Variants in CYP2C19 observed in about 807,000 individuals in gnomAD.
CYP2C19 encodes cytochrome P450 2C19.
CYP2C19 carries 59 observed loss-of-function variants against 40.9 expected under a neutral mutation model. The ratio of observed to expected loss-of-function variants is 1.44; its 90% CI spans 1.17 to 1.79. The LOEUF (loss-of-function observed/expected upper bound fraction) is 1.79, where lower values mean the gene tolerates loss of function less well. CYP2C19 is among the 40% of genes most tolerant of loss of function. The pLI, the probability that CYP2C19 is intolerant of heterozygous loss-of-function variation, is 0.00. For synonymous variants in CYP2C19, 253 were observed against 208.7 expected, an observed-to-expected ratio of 1.21 and a Z score of -1.83; for missense variants, 754 against 596.9, an observed-to-expected ratio of 1.26 and a Z score of -2.74.
chr10:94,842,839 A>G lies in CYP2C19; in HGVS notation c.964A>G (p.Lys322Glu). The change falls in exon 7 of 9, where the codon AAA becomes GAA. Residue 322 changes from lysine (K) to glutamate (E), a missense_variant and splice_region_variant. By Grantham distance (56) the Lys-to-Glu change is moderately conservative. Coordinates refer to ENST00000371321, the MANE Select transcript of CYP2C19 (RefSeq NM_000769.4). ...LLLKHPEVTAKVQEEIERVIG... is the reference protein window; with the variant it reads ...LLLKHPEVTAEVQEEIERVIG... The stretch of plus-strand genomic sequence containing the variant: ...AGTTCTTACTTGTGTCTTGTCAGCT[A>G]AAGTCCAGGAAGAGATTGAACGTGT... The G allele has an allele frequency of 6.2e-7, 1 of 1,614,082 alleles. No homozygotes were observed. The highest frequency in any genetic ancestry group is 8.5e-7 in the Non-Finnish European group (1 of 1,179,966).
intron 6 of CYP2C19, among the ~76,000 whole-genome samples, chr10:94,832,694 G>A (rs372328886): frequency 6.6e-6 from 1 of 152,062 alleles, no homozygotes; most frequent in South Asian, 2.1e-4. Flanking sequence ...GTGAGATAAT[G>A]TGATTCCTCC....
At chr10:94,805,384 G>C (rs375277992) in intron 5 of CYP2C19, among the ~76,000 whole-genome samples, 67 of 151,942 alleles carry the variant, frequency 4.4e-4, no homozygotes, top group African/African-American at 1.5e-3. Flanking sequence ...TGCATTTCTG[G>C]GATAAATCTA....
chr10:94,802,448 C>T (rs1488258982), intron 5 of CYP2C19, among the ~76,000 whole-genome samples: 3 of 152,072 alleles, frequency 2.0e-5, no homozygotes, highest in Non-Finnish European at 4.4e-5. Context: ...AAATCTTCCT[C>T]CATCCCTTTA....
chr10:94,774,992 A>C, intron 1 of CYP2C19, 66 bp from the exon 2 acceptor site: 1 of 1,528,282 alleles, frequency 6.5e-7, no homozygotes. Flanking sequence ...ATATGAATCT[A>C]AGTCAGGCTT....
chr10:94,830,936 A>T, intron 6 of CYP2C19, among the ~76,000 whole-genome samples: 1 of 152,254 alleles, frequency 6.6e-6, no homozygotes, highest in Middle Eastern at 3.4e-3. Context: ...AGTTATTTTA[A>T]AATATACAAT....
At position 94,775,424 on chromosome 10, in the gene CYP2C19, G is replaced by A. The variant is rs1292429911; in HGVS notation, c.366G>A (p.Glu122=). ...IVFSNGKRWK[E]IRRFSLMTLR... ...TCAGCAATGGAAAGAGATGGAAGGA[G>A]ATCCGGCGTTTCTCCCTCATGACGC... Residue 122 remains glutamate, a synonymous_variant, in exon 3 of 9, where the codon GAG becomes GAA. Transcript: ENST00000371321. The A allele has an allele frequency of 2.5e-6, 4 of 1,614,008 alleles. No individual in the cohort carries two copies. The highest frequency in any genetic ancestry group is 3.4e-6 in the Non-Finnish European group (4 of 1,180,050).
chr10:94,804,762 T>A (rs1374397110), intron 5 of CYP2C19, among the ~76,000 whole-genome samples: 1 of 152,202 alleles, frequency 6.6e-6, no homozygotes, highest in Non-Finnish European at 1.5e-5. Flanking sequence ...TTTCACGATT[T>A]CTGTGGATTT....
rs146317415 is a variant in CYP2C19, at chr10:94,770,846, C to T, written c.169-4212C>T. On this transcript the variant is annotated intron_variant, in intron 1 of 8. Transcript: ENST00000371321. ...TGACTACAGTCCCCATGATCTGAGT[C>T]GAGGTCCCAGTGGGGATCCATACTG... Among the ~76,000 whole-genome samples the T allele has an allele frequency of 4.8e-3, 728 of 152,224 alleles. 3 individuals carry two copies. The highest frequency in any genetic ancestry group is 0.017 in the African/African-American group (690 of 41,554).
intron 1 of CYP2C19, among the ~76,000 whole-genome samples, chr10:94,763,546 A>G (rs1289293313): frequency 6.6e-6 from 1 of 152,116 alleles, no homozygotes; most frequent in Non-Finnish European, 1.5e-5. Context: ...ATGTGAATAC[A>G]CCTCATTGTG....
chr10:94,792,421 G>A (rs1225065576), intron 5 of CYP2C19, among the ~76,000 whole-genome samples: 1 of 152,082 alleles, frequency 6.6e-6, no homozygotes, highest in Non-Finnish European at 1.5e-5. Flanking sequence ...TATTTTGCTT[G>A]TTAGTTGGCT....
chr10:94,795,320 A>G (rs1194938900), intron 5 of CYP2C19, among the ~76,000 whole-genome samples: 1 of 151,960 alleles, frequency 6.6e-6, no homozygotes, highest in Non-Finnish European at 1.5e-5. Flanking sequence ...ATGTCCCTAC[A>G]AAGGACATGA....
chr10:94,775,209 A>G lies in CYP2C19; in HGVS notation c.320A>G (p.Asn107Ser), dbSNP rs957285543. The G allele has an allele frequency of 4.3e-6, 7 of 1,614,038 alleles. No homozygotes were observed. In the African/African-American group the frequency reaches 8.0e-5, roughly 18 times the overall value. Reference sequence around the variant, plus strand: ...CATTTCCCACTGGCTGAAAGAGCTAACAGAGGATTTGGTAGGTGTGCAAGT... The same window carrying G: ...CATTTCCCACTGGCTGAAAGAGCTAGCAGAGGATTTGGTAGGTGTGCAAGT... ...RGHFPLAERANRGFGIVFSNG... is the reference protein window; with the variant it reads ...RGHFPLAERASRGFGIVFSNG... Residue 107 changes from asparagine to serine, a missense_variant, in exon 2 of 9, where the codon AAC (asparagine) becomes AGC (serine). By Grantham distance (46) the Asn-to-Ser change is conservative (BLOSUM62 1). Transcript: ENST00000371321.
intron 6 of CYP2C19, among the ~76,000 whole-genome samples, chr10:94,822,148 T>A (rs1295132985): frequency 6.6e-6 from 1 of 152,198 alleles, no homozygotes; most frequent in African/African-American, 2.4e-5. Context: ...CTGCATAGTA[T>A]TCCATGGTGT....
Position 94,849,991 on chromosome 10 carries a change from C to T in CYP2C19, c.1224C>T (p.Asp408=), listed in dbSNP as rs748167943. Residue 408 remains aspartate (D), a synonymous_variant, in exon 8 of 9, where the codon GAC becomes GAT. Coordinates refer to ENST00000371321, the MANE Select transcript of CYP2C19 (RefSeq NM_000769.4). The part of the protein sequence containing the change: ...NKEFPNPEMF[D]PRHFLDEGGN... ...AATTTCCCAACCCAGAGATGTTTGA[C>T]CCTCGTCACTTTCTGGATGAAGGTG... 2.5e-6 allele frequency: 4 copies of T among 1,613,606 alleles called. No individual in the cohort carries two copies. The highest frequency in any genetic ancestry group is 3.3e-5 in the Admixed American group (2 of 59,932).
At chr10:94,826,588 A>G (rs1288144097) in intron 6 of CYP2C19, among the ~76,000 whole-genome samples, 1 of 152,226 alleles carries the variant, frequency 6.6e-6, no homozygotes, top group African/African-American at 2.4e-5. Context: ...TAGATATACA[A>G]TCATGTCATC....
intron 1 of CYP2C19, among the ~76,000 whole-genome samples, chr10:94,768,397 C>G (rs964346365): frequency 6.6e-6 from 1 of 152,126 alleles, no homozygotes; most frequent in Non-Finnish European, 1.5e-5. Flanking sequence ...TCTAAGAGGT[C>G]ATCTCAGGTG....
At chr10:94,797,063 T>C (rs1589357217) in intron 5 of CYP2C19, among the ~76,000 whole-genome samples, 1 of 152,280 alleles carries the variant, frequency 6.6e-6, no homozygotes, top group East Asian at 1.9e-4. Context: ...CATCCCTGAC[T>C]TGTGCCAGTT....
chr10:94,792,225 C>CTCCA (rs1319881668), intron 5 of CYP2C19, among the ~76,000 whole-genome samples: 1 of 152,090 alleles, frequency 6.6e-6, no homozygotes, highest in Admixed American at 6.5e-5. Context: ...GTAGATCTTC[C>CTCCA]TCCATCCCTT....
chr10:94,783,931 T>C (rs1157245303), intron 5 of CYP2C19, among the ~76,000 whole-genome samples: 1 of 152,184 alleles, frequency 6.6e-6, no homozygotes, highest in Non-Finnish European at 1.5e-5. Flanking sequence ...CAACATACAA[T>C]TAACCAGTTT....
Sources: allele counts gnomAD v4.1 joint callset (sites outside exome capture counted in the v4.1 genomes callset), GRCh38; gene constraint gnomAD v4.1.1; transcripts MANE v1.5; gene names NCBI Gene and HGNC (gene_info 2026-07-23, HGNC 2026-07-21).